Variants in TRIM10 observed in about 807,000 individuals in gnomAD.
TRIM10 encodes the protein tripartite motif containing 10, also known as tripartite motif-containing protein 10.
In TRIM10, 42 loss-of-function variants were observed where a neutral mutation model predicts 40.0. The ratio of observed to expected loss-of-function variants is 1.05; its 90% confidence interval spans 0.82 to 1.36. The LOEUF is 1.36. TRIM10 is among the 40% of genes most tolerant of loss of function. TRIM10 has a pLI of 0.00. For synonymous variants in TRIM10, 260 were observed against 239.5 expected, an observed-to-expected ratio of 1.09 and a Z score of -0.79; for missense variants, 601 against 608.3, an observed-to-expected ratio of 0.99 and a Z score of 0.13.
intron 4 of TRIM10, 68 bp downstream of exon 4, chr6:30,157,301 A>C (rs529918988): frequency 7.1e-7 from 1 of 1,416,676 alleles, no homozygotes; most frequent in Non-Finnish European, 9.7e-7. Context: ...GTGTGGCAAT[A>C]ACTAGGCATG....
intron 6 of TRIM10, among the ~76,000 whole-genome samples, chr6:30,155,112 G>T (rs1484880131): frequency 6.6e-6 from 1 of 152,108 alleles, no homozygotes; most frequent in Non-Finnish European, 1.5e-5. Context: ...TTCATAAATT[G>T]AGAAGCTTCC....
In TRIM10 at chr6:30,159,249, G is replaced by A; in HGVS notation, c.430-4C>T. On this transcript the variant is annotated splice_region_variant and splice_polypyrimidine_tract_variant and intron_variant, in intron 1 of 6. Transcript: ENST00000449742. The stretch of plus-strand genomic sequence containing the variant: ...TAAGACACTTATGGATTTGTTCCTG[G>A]GGAGAAGGAACATAAAATACTCAAG... 1 of 1,576,074 alleles carries A rather than the reference G, an allele frequency of 6.3e-7. No homozygotes were observed. The highest frequency in any genetic ancestry group is 8.7e-7 in the Non-Finnish European group (1 of 1,146,668).
chr6:30,153,997 C>A lies in TRIM10; in HGVS notation c.1418G>T (p.Arg473Leu). The A allele has an allele frequency of 6.2e-7, 1 of 1,605,240 alleles. No individual in the cohort carries two copies. The highest frequency in any genetic ancestry group is 1.1e-5 in the South Asian group (1 of 90,830). The change falls in exon 7 of 7, where the codon CGA (arginine) becomes CTA (leucine). Residue 473 changes from arginine (R) to leucine (L), a missense_variant. By Grantham distance (102) the Arg-to-Leu change is moderately radical. Coordinates refer to ENST00000449742, the MANE Select transcript of TRIM10 (RefSeq NM_006778.4). The stretch of plus-strand genomic sequence containing the variant: ...GGAGCTCAGGGAGAAACTGGACCCT[C>A]GGCCCCAGAGCCCAAAGAAGGGAAT... ...KVIPFFGLWGRGSSFSLSS is the reference protein window; with the variant it reads ...KVIPFFGLWGLGSSFSLSS
chr6:30,159,219 A>G lies in TRIM10; in HGVS notation c.456T>C (p.Cys152=), dbSNP rs201015163. 15 of 1,610,102 alleles carry G rather than the reference A, an allele frequency of 9.3e-6. No individual in the cohort carries two copies. The Admixed American group carries it at 1.3e-4, about 14-fold the overall frequency. ...GAATCTCCTCTCTCTCTTTTCTTAG[A>G]CATTTAAGACACTTATGGATTTGTT... ...YREQIHKCLK[C]LRKEREEIQE... The change falls in exon 2 of 7, where the codon TGT becomes TGC. Residue 152 remains cysteine (C), a synonymous_variant. Coordinates refer to ENST00000449742, the MANE Select transcript of TRIM10 (RefSeq NM_006778.4).
chr6:30,160,718 T>C lies in TRIM10; in HGVS notation c.141A>G (p.Pro47=). Residue 47 remains proline, a synonymous_variant, in exon 1 of 7, where the codon CCA becomes CCG. Coordinates refer to ENST00000449742, the MANE Select transcript of TRIM10 (RefSeq NM_006778.4). The stretch of plus-strand genomic sequence containing the variant: ...TAGGGGACTCCTCCAGGTCTGGGCC[T>C]GGTATCTCACAGTAGCGGGTAAGGC... The part of the protein sequence containing the change: ...RACLTRYCEI[P]GPDLEESPTC... 1.2e-6 allele frequency: 2 copies of C among 1,614,202 alleles called. No individual in the cohort carries two copies. The highest frequency in any genetic ancestry group is 8.5e-7 in the Non-Finnish European group (1 of 1,180,032).
Position 30,160,586 on chromosome 6 carries a change from C to G in TRIM10, c.273G>C (p.Leu91=), listed in dbSNP as rs528387833. Residue 91 remains leucine (L), a synonymous_variant, in exon 1 of 7, where the codon CTG becomes CTC. Transcript: ENST00000449742. ...GGCAGACATCCTCCTCTCCCAAACC[C>G]AGTGTGGACACCAGCTGGAGGCGCT... The part of the protein sequence containing the change: ...NIERLQLVST[L]GLGEEDVCQE... 8 of 1,614,110 alleles carry G rather than the reference C, an allele frequency of 5.0e-6. No individual in the cohort carries two copies. Among genetic ancestry groups the G allele is most frequent in the African/African-American group, 2.7e-5 (2 of 74,944 alleles).
At chr6:30,163,837 G>C (rs138173429), upstream of TRIM10, 1 of 1,612,876 alleles carries the variant, frequency 6.2e-7, no homozygotes, top group Non-Finnish European at 8.5e-7. Flanking sequence ...CCCAATCCTC[G>C]GGCAAGATCC....
Position 30,160,662 on chromosome 6 carries a change from G to A in TRIM10, c.197C>T (p.Pro66Leu). The A allele has an allele frequency of 1.2e-6, 2 of 1,614,240 alleles. No individual in the cohort carries two copies. The highest frequency in any genetic ancestry group is 1.7e-5 in the Admixed American group (1 of 60,034). ...CTGCCAGTTGGGCCGGAAGCTCCCA[G>A]GACGGAAGGGTTCTTTGCAGAGTGG... ...TCPLCKEPFRPGSFRPNWQLA... is the reference protein window; with the variant it reads ...TCPLCKEPFRLGSFRPNWQLA... Residue 66 changes from proline to leucine, a missense_variant, in exon 1 of 7, where the codon CCT becomes CTT. Pro to Leu is a moderately conservative substitution (Grantham distance 98, BLOSUM62 -3). Transcript: ENST00000449742.
Position 30,154,494 on chromosome 6 carries a change from G to T in TRIM10, c.929-8C>A. ...GGTCTAGAGAAATGTGAGCTGTGGG[G>T]ATAACCAAAAGGGACAGATGTCAGC... On this transcript the variant is annotated splice_polypyrimidine_tract_variant and splice_region_variant and intron_variant, in intron 6 of 6. Coordinates refer to ENST00000449742, the MANE Select transcript of TRIM10 (RefSeq NM_006778.4). 1 of 1,607,838 alleles carries T rather than the reference G, an allele frequency of 6.2e-7. No individual in the cohort carries two copies. The highest frequency in any genetic ancestry group is 8.5e-7 in the Non-Finnish European group (1 of 1,179,560).
Position 30,153,476 on chromosome 6 carries a change from C to G in TRIM10, c.*493G>C. The stretch of plus-strand genomic sequence containing the variant: ...CAGATATAGAGCAGGTTTTTTTTTT[C>G]TCTATATTTTCAAGTCACCAGTGGC... On this transcript the variant is annotated 3_prime_UTR_variant, in exon 7 of 7. Transcript: ENST00000449742. 3 of 533,786 alleles carry G rather than the reference C, an allele frequency of 5.6e-6. No individual in the cohort carries two copies. The allele number at this position is 533,786 out of a possible 1,614,324, so 33.1% of individuals were successfully genotyped here.
upstream of TRIM10, among the ~76,000 whole-genome samples, chr6:30,162,398 A>T (rs567487905): frequency 6.7e-6 from 1 of 150,076 alleles, no homozygotes; most frequent in East Asian, 1.9e-4. Flanking sequence ...CTCAGTAGAC[A>T]CATGTGGCTG....
At chr6:30,157,230 A>G (rs1772629267) in intron 4 of TRIM10, 139 bp downstream of exon 4, 2 of 1,099,916 alleles carry the variant, frequency 1.8e-6, no homozygotes, top group South Asian at 1.5e-5. Flanking sequence ...CTGAGAAGGC[A>G]TTTGGGTATA....
upstream of TRIM10, chr6:30,163,413 G>A: frequency 3.7e-6 from 2 of 544,480 alleles, no homozygotes; most frequent in East Asian, 3.1e-5. Flanking sequence ...TTACTTGGCC[G>A]CCACTGGGAA....
chr6:30,161,570 G>A (rs1330333132), upstream of TRIM10, among the ~76,000 whole-genome samples: 1 of 149,478 alleles, frequency 6.7e-6, no homozygotes, highest in Non-Finnish European at 1.5e-5. Context: ...TTACAATGAC[G>A]GTACAACTTA....
chr6:30,164,005 G>A, upstream of TRIM10: 2 of 1,613,126 alleles, frequency 1.2e-6, no homozygotes, highest in South Asian at 1.1e-5. Context: ...TCTGCAGGGA[G>A]GGTCCCACGC....
intron 3 of TRIM10, among the ~76,000 whole-genome samples, chr6:30,157,621 G>A (rs1051284654): frequency 1.3e-5 from 2 of 150,816 alleles, no homozygotes; most frequent in Non-Finnish European, 2.9e-5. Flanking sequence ...GAGTAGCTGG[G>A]ACTACAGGTG....
At position 30,160,852 on chromosome 6, in the gene TRIM10, A is replaced by T; in HGVS notation, c.7T>A (p.Ser3Thr). 2 of 1,607,856 alleles carry T rather than the reference A, an allele frequency of 1.2e-6. No homozygotes were observed. Among genetic ancestry groups the T allele is most frequent in the Non-Finnish European group, 1.7e-6 (2 of 1,178,254 alleles). Residue 3 changes from serine (S) to threonine (T), a missense_variant, in exon 1 of 7, where the codon TCT (serine) becomes ACT (threonine). Transcript: ENST00000449742. MA[S>T]AASVTSLADE... ...GCCAGGCTGGTCACAGAGGCAGCAG[A>T]GGCCATGCTGGTCCTGCTGCTATGG... is the stretch of plus-strand genomic sequence containing the variant.
chr6:30,155,704 C>T, intron 6 of TRIM10, 23 bp downstream of exon 6: 1 of 1,612,596 alleles, frequency 6.2e-7, no homozygotes, highest in Non-Finnish European at 8.5e-7. Context: ...TCATTCTCTC[C>T]CATCCTGACA....
At position 30,154,140 on chromosome 6, in the gene TRIM10, CT is replaced by C; in HGVS notation, c.1274del (p.Lys425ArgfsTer7). ...LGSFPTRLTL[K>X]EQPRQVRVSL... The stretch of plus-strand genomic sequence containing the variant: ...ACACCCTCACCTGCCGGGGCTGCTC[CT>C]TCAGGGTCAGCCGTGTGGGGAAGGA... On this transcript the variant is annotated frameshift_variant, in exon 7 of 7. Coordinates refer to ENST00000449742, the MANE Select transcript of TRIM10 (RefSeq NM_006778.4). LOFTEE classifies it high-confidence loss of function. The C allele has an allele frequency of 6.2e-7, 1 of 1,612,978 alleles. No individual in the cohort carries two copies. Among genetic ancestry groups the C allele is most frequent in the Non-Finnish European group, 8.5e-7 (1 of 1,179,930 alleles).
Sources: allele counts gnomAD v4.1 joint callset (sites outside exome capture counted in the v4.1 genomes callset), GRCh38; gene constraint gnomAD v4.1.1; transcripts MANE v1.5; gene names NCBI Gene and HGNC (gene_info 2026-07-23, HGNC 2026-07-21).